The following PLEKHA8 variants were observed in gnomAD, a reference collection of about 807,000 sequenced individuals.
PLEKHA8 encodes the protein pleckstrin homology domain containing A8.
PLEKHA8 carries 36 observed loss-of-function variants against 68.2 expected under a neutral mutation model. The observed-to-expected ratio is 0.53, with a 90% CI of 0.40 to 0.70. PLEKHA8 has a LOEUF of 0.70. PLEKHA8 is among the 30% of genes least tolerant of loss of function. The probability of loss-of-function intolerance (pLI) is 0.00; values close to 1 mark genes in which losing one functional copy is unlikely to be tolerated. For missense variants in PLEKHA8, 505 were observed against 615.4 expected, an observed-to-expected ratio of 0.82 and a Z score of 1.90; for synonymous variants, 211 against 216.1, an observed-to-expected ratio of 0.98 and a Z score of 0.20.
downstream of PLEKHA8, among the ~76,000 whole-genome samples, chr7:30,093,907 G>A (rs1291860388): frequency 6.6e-6 from 1 of 152,180 alleles, no homozygotes; most frequent in African/African-American, 2.4e-5. Context: ...GGGTCACCTT[G>A]GACAAATCCT....
rs1223334538 is a variant in PLEKHA8 at position 30,083,084 on chromosome 7, T to A, written c.*4297T>A. Reference sequence around the variant, plus strand: ...ATTTTAAAATTTTTAGATGTAGAGTTTATAAGTAAAATATATTTTTAGCCA... The same window carrying A: ...ATTTTAAAATTTTTAGATGTAGAGTATATAAGTAAAATATATTTTTAGCCA... On this transcript the variant is annotated 3_prime_UTR_variant, in exon 14 of 14. Coordinates refer to ENST00000449726, the MANE Select transcript of PLEKHA8 (RefSeq NM_001197026.2). 2.0e-6 allele frequency: 2 copies of A among 983,362 alleles called. No homozygotes were observed. The highest frequency in any genetic ancestry group is 1.2e-4 in the Admixed American group (2 of 16,248). The allele number at this position is 983,362 out of a possible 1,614,324, so 60.9% of individuals were successfully genotyped here.
At chr7:30,110,142 C>T (rs1348081791) in intron 13 of PLEKHA8, among the ~76,000 whole-genome samples, 3 of 151,902 alleles carry the variant, frequency 2.0e-5, no homozygotes, top group Non-Finnish European at 4.4e-5. Context: ...TGCATTACCC[C>T]CAAGAGCAAC....
exon 13 of PLEKHA8, chr7:30,090,744 A>G (rs1795383144): frequency 1.6e-6 from 1 of 620,892 alleles, no homozygotes; most frequent in African/African-American, 2.0e-5. Context: ...CTAAAAAGAA[A>G]TACGTATTGT....
In PLEKHA8 at chr7:30,105,940, G is replaced by A. The variant is rs192304345; in HGVS notation, c.1363-23326G>A. Among the ~76,000 whole-genome samples, 285 of 152,190 alleles carry A rather than the reference G, an allele frequency of 1.9e-3. 2 individuals carry two copies. Among genetic ancestry groups the A allele is most frequent in the African/African-American group, 6.3e-3 (262 of 41,520 alleles). On this transcript the variant is annotated intron_variant, in intron 13 of 13. Coordinates refer to the PLEKHA8 transcript ENST00000396257. ...AATCAAATGGAATCCACCTTTTGGT[G>A]ATTAGTGCTTGTGTTTAGTTTAGAA...
rs1380962506 is a variant in PLEKHA8, at chr7:30,106,089, C to T, written c.1363-23177C>T. On this transcript the variant is annotated intron_variant, in intron 13 of 13. Coordinates refer to the PLEKHA8 transcript ENST00000396257. ...TTTTTTTCTTTTTGAGGTGGAGTCT[C>T]GCTCTGTTGCTCAGGCTGGAGTGCA... Among the ~76,000 whole-genome samples the T allele has an allele frequency of 5.4e-5, 8 of 148,288 alleles. No homozygotes were observed. The East Asian group carries it at 1.4e-3, about 26-fold the overall frequency.
chr7:30,114,660 T>C (rs1380422429), intron 13 of PLEKHA8, among the ~76,000 whole-genome samples: 1 of 152,218 alleles, frequency 6.6e-6, no homozygotes, highest in Non-Finnish European at 1.5e-5. Context: ...TTTGTCCTCC[T>C]GCATTTCATT....
chr7:30,068,738 G>A (rs1007215776), intron 12 of PLEKHA8, among the ~76,000 whole-genome samples: 2 of 152,078 alleles, frequency 1.3e-5, no homozygotes, highest in Non-Finnish European at 2.9e-5. Flanking sequence ...CAGTTTTTAT[G>A]TAATCAGACA....
chr7:30,109,586 CAAAA>C (rs1166200858), intron 13 of PLEKHA8, among the ~76,000 whole-genome samples: 39 of 41,610 alleles, frequency 9.4e-4, no homozygotes, highest in African/African-American at 3.7e-3. Context: ...AACTCTGTCT[CAAAA>C]AAAAAAAAAA....
In PLEKHA8 at chr7:30,047,872, A is replaced by C; in HGVS notation, c.354A>C (p.Ser118=). ...ENTENLKTKM[S]ELRLYCDLLV... ...CTGAAAACTTGAAAACCAAAATGTCAGAACTAAGACTCTACTGTGACCTCC... is the reference window on the plus strand; with the variant it reads ...CTGAAAACTTGAAAACCAAAATGTCCGAACTAAGACTCTACTGTGACCTCC... The change falls in exon 4 of 14, where the codon TCA becomes TCC. Residue 118 remains serine, a synonymous_variant. Coordinates refer to ENST00000449726, the MANE Select transcript of PLEKHA8 (RefSeq NM_001197026.2). 2.5e-6 allele frequency: 4 copies of C among 1,610,282 alleles called. No individual in the cohort carries two copies. Among genetic ancestry groups the C allele is most frequent in the Non-Finnish European group, 3.4e-6 (4 of 1,177,252 alleles).
chr7:30,105,592 C>G (rs1180686190), intron 13 of PLEKHA8, among the ~76,000 whole-genome samples: 1 of 152,086 alleles, frequency 6.6e-6, no homozygotes, highest in Non-Finnish European at 1.5e-5. Flanking sequence ...TGAAGAATGC[C>G]CACAAATCAG....
At chr7:30,031,515 G>A (rs1275061217) in intron 1 of PLEKHA8, among the ~76,000 whole-genome samples, 1 of 152,184 alleles carries the variant, frequency 6.6e-6, no homozygotes, top group African/African-American at 2.4e-5. Context: ...GGACCCATCT[G>A]GCTGAGAGCT....
chr7:30,115,602 A>C (rs980213349), intron 13 of PLEKHA8, among the ~76,000 whole-genome samples: 1 of 150,848 alleles, frequency 6.6e-6, no homozygotes, highest in Non-Finnish European at 1.5e-5. Flanking sequence ...ACATGTATAC[A>C]TACATTTATA....
rs185652812 is a variant in PLEKHA8, at chr7:30,115,735, T to C, written c.1363-13531T>C. ...ATACGCGCATGCATGCATACACGTA[T>C]ACATGTATACATACGTGCACATACA... On this transcript the variant is annotated intron_variant, in intron 13 of 13. Transcript: ENST00000396257. 23 of 118,572 alleles carry C rather than the reference T, an allele frequency of 1.9e-4. 1 individual carries two copies. The highest frequency in any genetic ancestry group is 6.2e-4 in the African/African-American group (20 of 32,340). The allele number at this position is 118,572 out of a possible 1,614,324, so 7.3% of individuals were successfully genotyped here.
Position 30,109,292 on chromosome 7 carries a change from G to A in PLEKHA8, c.1363-19974G>A, listed in dbSNP as rs375414432. On this transcript the variant is annotated intron_variant, in intron 13 of 13. Coordinates refer to the PLEKHA8 transcript ENST00000396257. ...ACATTTCATATGACTATGTGCATTT[G>A]TTAAAAGAGATTAACATGGCTGGGC... Among the ~76,000 whole-genome samples, 18 of 152,226 alleles carry A rather than the reference G, an allele frequency of 1.2e-4. No individual in the cohort carries two copies. In the East Asian group the frequency reaches 3.5e-3, roughly 29 times the overall value.
intron 13 of PLEKHA8, among the ~76,000 whole-genome samples, chr7:30,128,089 G>GT (rs1487431952): frequency 1.1e-3 from 129 of 121,552 alleles, no homozygotes; most frequent in African/African-American, 2.9e-3. Flanking sequence ...GAGTTTTACT[G>GT]TATTTTTTTT....
rs1425642253 is a variant in PLEKHA8, at chr7:30,116,880, TGTA to T, written c.1363-12385_1363-12383del. On this transcript the variant is annotated intron_variant, in intron 13 of 13. Transcript: ENST00000396257. ...AGCAGCAAGTCTCTCCACAGGCCAGTGTATAAAAAGGATCTGAAACCTAGGCTG... is the reference window on the plus strand; with the variant it reads ...AGCAGCAAGTCTCTCCACAGGCCAGTTAAAAAGGATCTGAAACCTAGGCTG... Among the ~76,000 whole-genome samples, 5 of 152,188 alleles carry T rather than the reference TGTA, an allele frequency of 3.3e-5. No individual in the cohort carries two copies. The East Asian group carries it at 7.7e-4, about 23-fold the overall frequency.
intron 13 of PLEKHA8, among the ~76,000 whole-genome samples, chr7:30,117,718 T>C (rs879676190): frequency 4.6e-5 from 7 of 152,026 alleles, no homozygotes; most frequent in Non-Finnish European, 8.8e-5. Flanking sequence ...AGAAAAAAAT[T>C]AAAATCTTTA....
chr7:30,076,658 T>G (rs1035713439), intron 13 of PLEKHA8, among the ~76,000 whole-genome samples: 10 of 152,174 alleles, frequency 6.6e-5, no homozygotes, highest in African/African-American at 2.4e-4. Context: ...GCTTTAAATA[T>G]TATTGCCAAT....
At chr7:30,115,609 TATACATGCACACATACATGTACAC>T (rs1208785892) in intron 13 of PLEKHA8, among the ~76,000 whole-genome samples, 22 of 151,758 alleles carry the variant, frequency 1.4e-4, no homozygotes, top group Non-Finnish European at 3.2e-4. Flanking sequence ...TACATACATT[TATACATGCACACATACATGTACAC>T]ATACATGCAC....
Sources: allele counts gnomAD v4.1 joint callset (sites outside exome capture counted in the v4.1 genomes callset), GRCh38; gene constraint gnomAD v4.1.1; transcripts MANE v1.5; gene names NCBI Gene and HGNC (gene_info 2026-07-23, HGNC 2026-07-21).